The following ZNF717 variants were observed in gnomAD, a reference collection of about 807,000 sequenced individuals.
ZNF717 encodes krueppel-like factor X17.
Under a neutral mutation model 13.8 loss-of-function variants are expected in ZNF717, and 9 were observed. The observed-to-expected ratio is 0.65, with a 90% CI of 0.39 to 1.14. The LOEUF is 1.14. ZNF717 is among the 50% of genes most tolerant of loss of function. The pLI, the probability that ZNF717 is intolerant of heterozygous loss-of-function variation, is 0.01. For synonymous variants in ZNF717, 327 were observed against 364.1 expected (o/e 0.90, Z 1.16); for missense variants, 1,040 against 1,080.7 (o/e 0.96, Z 0.53).
chr3:75,785,263 T>G (rs1945079385), intron 1 of ZNF717, 121 bp downstream of exon 1: 2 of 152,266 alleles, frequency 1.3e-5, no homozygotes, highest in Admixed American at 1.3e-4. Context: ...GAGCGCGGCC[T>G]GCAGACTCCG....
chr3:75,759,128 T>C (rs887867335), intron 2 of ZNF717, among the ~76,000 whole-genome samples: 11 of 152,206 alleles, frequency 7.2e-5, no homozygotes, highest in African/African-American at 2.7e-4. Context: ...TACTTTTACA[T>C]GCACTGGGAA....
intron 2 of ZNF717, among the ~76,000 whole-genome samples, chr3:75,775,851 C>CA (rs56879372): frequency 0.036 from 2,859 of 79,276 alleles, 93 homozygotes; most frequent in African/African-American, 0.084. Context: ...GACTCTGTCT[C>CA]AAAAAAAAAA....
At chr3:75,744,003 G>A (rs1940821384) in intron 2 of ZNF717, among the ~76,000 whole-genome samples, 1 of 152,188 alleles carries the variant, frequency 6.6e-6, no homozygotes. Flanking sequence ...GAATTTCAAT[G>A]GTACCTGAAT....
chr3:75,758,185 T>G (rs1942665455), intron 2 of ZNF717, among the ~76,000 whole-genome samples: 1 of 148,554 alleles, frequency 6.7e-6, no homozygotes, highest in South Asian at 2.1e-4. Context: ...CAGATGACAC[T>G]GAGGGGTTCA....
At chr3:75,762,916 C>T (rs1483051847) in intron 2 of ZNF717, among the ~76,000 whole-genome samples, 2 of 152,214 alleles carry the variant, frequency 1.3e-5, no homozygotes, top group Non-Finnish European at 2.9e-5. Context: ...TGATCTTCCA[C>T]AAGGATGCCA....
downstream of ZNF717, among the ~76,000 whole-genome samples, chr3:75,709,007 C>CTT (rs149575572): frequency 2.3e-4 from 33 of 143,158 alleles, no homozygotes; most frequent in East Asian, 6.0e-4. Context: ...TTTTTCTTTT[C>CTT]TTTTTTTTTT....
chr3:75,731,865 T>C (rs1247303972), downstream of ZNF717, among the ~76,000 whole-genome samples: 724 of 152,316 alleles, frequency 4.8e-3, no homozygotes, highest in African/African-American at 9.7e-3. Flanking sequence ...ATTGGAGAGA[T>C]AGAGAAGTGA....
chr3:75,745,341 T>C (rs1286871821), intron 2 of ZNF717, among the ~76,000 whole-genome samples: 4 of 152,082 alleles, frequency 2.6e-5, no homozygotes, highest in African/African-American at 7.2e-5. Context: ...CCTGGAATCC[T>C]ATCTGAAGGA....
At chr3:75,777,364 C>G (rs114763682) in intron 2 of ZNF717, among the ~76,000 whole-genome samples, 1 of 138,934 alleles carries the variant, frequency 7.2e-6, no homozygotes, top group East Asian at 2.2e-4. Context: ...ATGGGAGTGA[C>G]GTGCTAAAAC....
chr3:75,737,547 G>A lies in ZNF717; in HGVS notation c.2076C>T (p.Tyr692=), dbSNP rs1175751218. The A allele has an allele frequency of 1.4e-5, 22 of 1,551,754 alleles. No individual in the cohort carries two copies. In the Admixed American group the frequency reaches 1.8e-4, roughly 12 times the overall value. Residue 692 remains tyrosine, a synonymous_variant, in exon 5 of 5, where the codon TAC becomes TAT. Coordinates refer to ENST00000652011, the MANE Select transcript of ZNF717 (RefSeq NM_001290208.3). The part of the protein sequence containing the change: ...KLFVRNHTLL[Y]IRELTPGKSP... The stretch of plus-strand genomic sequence containing the variant: ...TTTTCCCCGGTGTGAGTTCTCTGAT[G>A]TATAATAAGGTATGATTTCTGACAA...
downstream of ZNF717, among the ~76,000 whole-genome samples, chr3:75,708,039 CA>C (rs1413135448): frequency 3.3e-5 from 5 of 152,354 alleles, no homozygotes; most frequent in East Asian, 9.6e-4. Context: ...CACAGACAAA[CA>C]AAAAGACAGC....
chr3:75,783,236 T>G, intron 2 of ZNF717, 70 bp downstream of exon 2: 1 of 1,219,006 alleles, frequency 8.2e-7, no homozygotes, highest in Non-Finnish European at 1.2e-6. Flanking sequence ...TTTTCTTTTT[T>G]AATTCACAGA....
intron 2 of ZNF717, among the ~76,000 whole-genome samples, chr3:75,757,693 C>T (rs1942611038): frequency 6.6e-6 from 1 of 152,156 alleles, no homozygotes; most frequent in African/African-American, 2.4e-5. Context: ...AAAGCTATAG[C>T]TTGTCTAGAA....
chr3:75,770,128 G>A (rs758662894), intron 2 of ZNF717, among the ~76,000 whole-genome samples: 1 of 152,144 alleles, frequency 6.6e-6, no homozygotes, highest in Non-Finnish European at 1.5e-5. Flanking sequence ...CAGGTCACAG[G>A]GGACTGAACC....
At position 75,768,365 on chromosome 3, in the gene ZNF717, G is replaced by A. The variant is rs978345343; in HGVS notation, c.57+14941C>T. Among the ~76,000 whole-genome samples the A allele has an allele frequency of 5.7e-5, 7 of 122,512 alleles. No homozygotes were observed. The South Asian group carries it at 1.8e-3, about 32-fold the overall frequency. 80.4% of individuals were successfully genotyped at this position (122,512 alleles called of 152,430 possible). On this transcript the variant is annotated intron_variant, in intron 2 of 4. Transcript: ENST00000652011. ...GTCCTCACTGTGGCTGAGTGTGGGG[G>A]GGGGGGGTAGATGACAGCCCACCAC...
chr3:75,698,148 C>CAAAA (rs61557684), intron 6 of ZNF717, among the ~76,000 whole-genome samples: 3 of 149,696 alleles, frequency 2.0e-5, no homozygotes, highest in Non-Finnish European at 4.5e-5. Flanking sequence ...CATGTTCTAG[C>CAAAA]AAAAAAAAAA....
intron 2 of ZNF717, among the ~76,000 whole-genome samples, chr3:75,765,437 G>A (rs913411676): frequency 3.3e-5 from 5 of 152,092 alleles, no homozygotes; most frequent in Admixed American, 2.0e-4. Flanking sequence ...TTGATACAGG[G>A]TCTTACTCTG....
intron 2 of ZNF717, among the ~76,000 whole-genome samples, chr3:75,742,986 C>G (rs1294781860): frequency 5.8e-4 from 88 of 152,332 alleles, no homozygotes; most frequent in African/African-American, 2.0e-3. Context: ...ATGAAACATA[C>G]ACAGAAACCT....
chr3:75,759,864 C>T (rs370641713), intron 2 of ZNF717, among the ~76,000 whole-genome samples: 7 of 151,720 alleles, frequency 4.6e-5, no homozygotes, highest in Admixed American at 6.6e-5. Context: ...CCACTGTACC[C>T]GGCAATTTTT....
Sources: gnomAD v4.1 joint callset for allele counts (sites outside exome capture counted in the v4.1 genomes callset) on GRCh38, gnomAD v4.1.1 for gene constraint, MANE v1.5 for transcripts, NCBI Gene and HGNC (gene_info 2026-07-23, HGNC 2026-07-21) for gene names.